The following DIS3L2 variants were observed in gnomAD, a reference collection of about 807,000 sequenced individuals.
The protein encoded by DIS3L2 is DIS3-like exonuclease 2.
DIS3L2 carries 34 observed loss-of-function variants against 97.5 expected under a neutral mutation model. That is an observed-to-expected ratio of 0.35 (90% CI 0.27 to 0.46). DIS3L2 has a LOEUF of 0.46. DIS3L2 is among the 20% of genes least tolerant of loss of function. DIS3L2 has a pLI of 1.00. For missense variants in DIS3L2, 1,038 were observed against 1,146.0 expected (o/e 0.91, Z 1.36); for synonymous variants, 435 against 445.2 (o/e 0.98, Z 0.29).
chr2:232,251,414 A>G (rs1693414179), intron 12 of DIS3L2, among the ~76,000 whole-genome samples: 1 of 152,248 alleles, frequency 6.6e-6, no homozygotes, highest in African/African-American at 2.4e-5. Context: ...ACTGAAAGGT[A>G]AAGTTGAGGA....
chr2:231,977,526 G>T (rs1178329424), intron 1 of DIS3L2, among the ~76,000 whole-genome samples: 2 of 152,154 alleles, frequency 1.3e-5, no homozygotes, highest in East Asian at 1.9e-4. Context: ...AAGGGTCATT[G>T]TGTGATCTTG....
intron 6 of DIS3L2, among the ~76,000 whole-genome samples, chr2:232,122,221 A>G (rs528368739): frequency 1.3e-5 from 2 of 152,308 alleles, no homozygotes; most frequent in South Asian, 4.1e-4. Flanking sequence ...TATATATATA[A>G]CAATTACTGA....
intron 6 of DIS3L2, among the ~76,000 whole-genome samples, chr2:232,119,401 G>A (rs1033289122): frequency 1.3e-5 from 2 of 152,196 alleles, no homozygotes; most frequent in African/African-American, 2.4e-5. Context: ...ACAGGAAGAC[G>A]TGAAGCTTGG....
intron 1 of DIS3L2, among the ~76,000 whole-genome samples, chr2:231,972,316 T>C (rs1692943571): frequency 6.6e-6 from 1 of 152,240 alleles, no homozygotes; most frequent in Non-Finnish European, 1.5e-5. Flanking sequence ...TGTATGTAAT[T>C]GTATCTGCCA....
intron 20 of DIS3L2, chr2:232,336,233 C>G (rs1414587849): frequency 6.5e-7 from 1 of 1,541,198 alleles, no homozygotes. Context: ...AACGCGGACC[C>G]AGGCCCTCAG....
intron 9 of DIS3L2, among the ~76,000 whole-genome samples, chr2:232,194,000 C>T (rs1017785198): frequency 6.6e-6 from 1 of 152,074 alleles, no homozygotes; most frequent in Non-Finnish European, 1.5e-5. Context: ...GTCCCAGCTA[C>T]TTGGGAGGCT....
At chr2:232,008,644 G>A (rs1038928134) in intron 1 of DIS3L2, among the ~76,000 whole-genome samples, 11 of 152,324 alleles carry the variant, frequency 7.2e-5, no homozygotes, top group African/African-American at 2.4e-4. Flanking sequence ...GTTAGACAGA[G>A]GGAGTGGGTT....
At chr2:232,122,010 T>C (rs1377001579) in intron 6 of DIS3L2, among the ~76,000 whole-genome samples, 2 of 152,230 alleles carry the variant, frequency 1.3e-5, no homozygotes, top group African/African-American at 4.8e-5. Flanking sequence ...ATCTGTTCCC[T>C]GTTCAGAAAC....
At position 232,037,034 on chromosome 2, in the gene DIS3L2, C is replaced by A. The variant is rs1318138455; in HGVS notation, c.366+6954C>A. Among the ~76,000 whole-genome samples the A allele has an allele frequency of 6.6e-6, 1 of 152,220 alleles. No individual in the cohort carries two copies. Reference sequence around the variant, plus strand: ...CACTTGAGGAGGCAATCTGAGGAGGCAATCTGTCCCTTAGCAGAGCTAGAG... The same window carrying A: ...CACTTGAGGAGGCAATCTGAGGAGGAAATCTGTCCCTTAGCAGAGCTAGAG... On this transcript the variant is annotated intron_variant, in intron 5 of 20. Transcript: ENST00000325385. This position sits in a 1 kb window ranked among gnomAD's most constrained non-coding sequence, Gnocchi z 4.6.
intron 11 of DIS3L2, among the ~76,000 whole-genome samples, chr2:232,244,500 T>C (rs1280348306): frequency 6.6e-6 from 1 of 152,200 alleles, no homozygotes; most frequent in Admixed American, 6.5e-5. Context: ...GAAACATTCA[T>C]GGGACATCCA....
chr2:232,130,810 T>C, intron 7 of DIS3L2, 91 bp downstream of exon 7: 1 of 1,451,056 alleles, frequency 6.9e-7, no homozygotes, highest in South Asian at 1.6e-5. Context: ...AGGACTGTAT[T>C]TGGTCATTTA....
Position 232,334,423 on chromosome 2 carries a change from A to T in DIS3L2, c.2213A>T (p.His738Leu). ...APDTLQKQAD[H>L]CNDRRMASKR... ...GATACCCTGCAGAAACAGGCGGACC[A>T]CTGTAACGACCGCCGCATGGCGTCC... The change falls in exon 18 of 21, where the codon CAC becomes CTC. Residue 738 changes from histidine (H) to leucine (L), a missense_variant. Transcript: ENST00000325385. The T allele has an allele frequency of 6.2e-7, 1 of 1,613,766 alleles. No homozygotes were observed. Among genetic ancestry groups the T allele is most frequent in the South Asian group, 1.1e-5 (1 of 91,076 alleles).
At chr2:232,244,247 G>A (rs1263789627) in intron 11 of DIS3L2, among the ~76,000 whole-genome samples, 1 of 152,174 alleles carries the variant, frequency 6.6e-6, no homozygotes, top group African/African-American at 2.4e-5. Flanking sequence ...AAGGGAGAGA[G>A]AGGAGAGTGA....
In DIS3L2 at chr2:232,210,343, C is replaced by A; in HGVS notation, c.1142C>A (p.Thr381Asn). 1 of 1,613,590 alleles carries A rather than the reference C, an allele frequency of 6.2e-7. No homozygotes were observed. Among genetic ancestry groups the A allele is most frequent in the Non-Finnish European group, 8.5e-7 (1 of 1,179,558 alleles). Residue 381 changes from threonine (T) to asparagine (N), a missense_variant, in exon 10 of 21, where the codon ACC (threonine) becomes AAC (asparagine). Physicochemically the swap from Thr to Asn is moderately conservative, Grantham distance 65 (BLOSUM62 0). Coordinates refer to ENST00000325385, the MANE Select transcript of DIS3L2 (RefSeq NM_152383.5). ...TTTCCTAGAAAAGACTGTATCTTCA[C>A]CATTGACCCATCAACCGCCCGAGAC... ...RRDLRKDCIFTIDPSTARDLD... is the reference protein window; with the variant it reads ...RRDLRKDCIFNIDPSTARDLD...
At chr2:232,270,886 C>G (rs991044674) in intron 13 of DIS3L2, among the ~76,000 whole-genome samples, 391 of 148,592 alleles carry the variant, frequency 2.6e-3, no homozygotes, top group Non-Finnish European at 4.4e-3. Flanking sequence ...CTCTCTCTCT[C>G]TCTCTCTCTC....
At chr2:231,962,654 C>T (rs1282259231) in intron 1 of DIS3L2, among the ~76,000 whole-genome samples, 1 of 152,072 alleles carries the variant, frequency 6.6e-6, no homozygotes, top group Non-Finnish European at 1.5e-5. Context: ...TCAGGATGGT[C>T]TCGATCTCTT....
At chr2:232,131,706 T>C (rs905812200) in intron 7 of DIS3L2, 5 of 152,086 alleles carry the variant, frequency 3.3e-5, no homozygotes, top group African/African-American at 1.2e-4. Context: ...GTGTTTCATA[T>C]GGGAATGCAG....
chr2:232,250,500 A>G (rs893679234), intron 12 of DIS3L2, among the ~76,000 whole-genome samples: 1 of 150,998 alleles, frequency 6.6e-6, no homozygotes, highest in East Asian at 1.9e-4. Context: ...CCAAGAAACA[A>G]CCCAGTTTAT....
chr2:232,053,044 C>T (rs1219020252), intron 5 of DIS3L2, among the ~76,000 whole-genome samples: 2 of 152,186 alleles, frequency 1.3e-5, no homozygotes, highest in Non-Finnish European at 2.9e-5. Context: ...GTGAGATGGA[C>T]TGGACTATAG....
Sources: gnomAD v4.1 joint callset for allele counts (sites outside exome capture counted in the v4.1 genomes callset) on GRCh38, gnomAD v4.1.1 for gene constraint, Gnocchi (gnomAD v3.1) non-coding constraint, MANE v1.5 for transcripts, NCBI Gene and HGNC (gene_info 2026-07-23, HGNC 2026-07-21) for gene names.